The following GRK5 variants were observed in gnomAD, a reference collection of about 807,000 sequenced individuals.
GRK5 encodes G protein-coupled receptor kinase 5.
In GRK5, 40 loss-of-function variants were observed where a neutral mutation model predicts 78.4. The ratio of observed to expected loss-of-function variants is 0.51; its 90% CI spans 0.40 to 0.66. The LOEUF is 0.66. Among genes scored for constraint, GRK5 ranks in the 30% least tolerant of loss-of-function variants. The pLI is 0.00. For missense variants in GRK5, 598 were observed against 759.9 expected (o/e 0.79, Z 2.50); for synonymous variants, 289 against 296.8 (o/e 0.97, Z 0.27).
chr10:119,377,660 G>A (rs913215203), intron 2 of GRK5, among the ~76,000 whole-genome samples: 4 of 152,084 alleles, frequency 2.6e-5, no homozygotes, highest in African/African-American at 9.7e-5. Flanking sequence ...ACTGTGCTGG[G>A]AGTTTATAAC....
At chr10:119,216,239 A>G (rs1848571553) in intron 1 of GRK5, among the ~76,000 whole-genome samples, 1 of 152,236 alleles carries the variant, frequency 6.6e-6, no homozygotes, top group Non-Finnish European at 1.5e-5. Context: ...TGTGTTTCTA[A>G]GAACTTGTAA....
chr10:119,345,106 C>G (rs528114704), intron 2 of GRK5, among the ~76,000 whole-genome samples: 3 of 152,042 alleles, frequency 2.0e-5, no homozygotes, highest in Non-Finnish European at 4.4e-5. Flanking sequence ...GTAGCTGAGA[C>G]TACAGGCGCC....
chr10:119,213,938 T>C (rs990809273), intron 1 of GRK5, among the ~76,000 whole-genome samples: 2 of 151,746 alleles, frequency 1.3e-5, no homozygotes, highest in Admixed American at 6.6e-5. Flanking sequence ...AAAGATGCAA[T>C]TGGGCACTGC....
At chr10:119,312,746 C>A (rs928981448) in intron 1 of GRK5, among the ~76,000 whole-genome samples, 1 of 152,200 alleles carries the variant, frequency 6.6e-6, no homozygotes, top group Non-Finnish European at 1.5e-5. Context: ...GGGACAGACG[C>A]TGGCATCATG....
At chr10:119,335,308 C>G (rs912719018) in intron 2 of GRK5, among the ~76,000 whole-genome samples, 1 of 151,914 alleles carries the variant, frequency 6.6e-6, no homozygotes, top group South Asian at 2.1e-4. Flanking sequence ...GTTCCTATAT[C>G]AACCTTCTGA....
rs76655815 is a variant in GRK5 at position 119,238,282 on chromosome 10, G to A, written c.52+30313G>A. Among the ~76,000 whole-genome samples the A allele has an allele frequency of 0.02, 3,108 of 152,220 alleles. 76 individuals carry two copies. The highest frequency in any genetic ancestry group is 0.062 in the South Asian group (299 of 4,816). The stretch of plus-strand genomic sequence containing the variant: ...GTGGAGGGTGGACGGGAAGCGGGGG[G>A]CCTTCTGCTGAAGATCTCAATTAAA... On this transcript the variant is annotated intron_variant, in intron 1 of 15. Coordinates refer to ENST00000392870, the MANE Select transcript of GRK5 (RefSeq NM_005308.3). The surrounding 1 kb of genome is among the most constrained non-coding windows in gnomAD (Gnocchi z 4.7).
Position 119,379,642 on chromosome 10 carries a change from G to A in GRK5, c.149-1173G>A, listed in dbSNP as rs966188599. Among the ~76,000 whole-genome samples, 9 of 152,252 alleles carry A rather than the reference G, an allele frequency of 5.9e-5. No individual in the cohort carries two copies. The highest frequency in any genetic ancestry group is 1.9e-4 in the African/African-American group (8 of 41,536). On this transcript the variant is annotated intron_variant, in intron 2 of 15. Transcript: ENST00000392870. This position sits in a 1 kb window ranked among gnomAD's most constrained non-coding sequence, Gnocchi z 4.1. ...CTGTTTCCCACGAACTCATCCGACT[G>A]TGTCCCGTGCAGCTGCAACATCGAT...
At chr10:119,256,831 A>G (rs958352469) in intron 1 of GRK5, among the ~76,000 whole-genome samples, 1 of 152,140 alleles carries the variant, frequency 6.6e-6, no homozygotes, top group Non-Finnish European at 1.5e-5. Flanking sequence ...TCTAATTCCA[A>G]AACACTTTCA....
At chr10:119,299,912 G>A (rs374501649) in intron 1 of GRK5, among the ~76,000 whole-genome samples, 4 of 151,948 alleles carry the variant, frequency 2.6e-5, no homozygotes, top group East Asian at 1.9e-4. Flanking sequence ...TGCTGCATCC[G>A]TTAACTCGTC....
intron 1 of GRK5, among the ~76,000 whole-genome samples, chr10:119,287,399 G>C (rs80144906): frequency 1.4e-5 from 2 of 140,324 alleles, no homozygotes; most frequent in Admixed American, 1.5e-4. Flanking sequence ...GAAGAAGGAA[G>C]GGAGGAAAGA....
intron 2 of GRK5, among the ~76,000 whole-genome samples, chr10:119,349,547 G>T (rs1851156743): frequency 1.3e-5 from 2 of 152,238 alleles, no homozygotes; most frequent in African/African-American, 4.8e-5. Flanking sequence ...CACCAGCCAA[G>T]ACCTGTGTGG....
rs1316543 is a variant in GRK5, at chr10:119,445,148, G to A, written c.1266+1396G>A. 0.16 allele frequency among the ~76,000 whole-genome samples: 24,095 copies of A among 152,196 alleles called. 2,491 individuals carry two copies. The highest frequency in any genetic ancestry group is 0.39 in the East Asian group (2,032 of 5,162). On this transcript the variant is annotated intron_variant, in intron 12 of 15. Coordinates refer to ENST00000392870, the MANE Select transcript of GRK5 (RefSeq NM_005308.3). This position sits in a 1 kb window ranked among gnomAD's most constrained non-coding sequence, Gnocchi z 4.1. ...CCTCAGAGAAAGCCACATGGTCATCGCAGCCAGGGCTAGGGTGGGGGGACC... is the reference window on the plus strand; with the variant it reads ...CCTCAGAGAAAGCCACATGGTCATCACAGCCAGGGCTAGGGTGGGGGGACC...
intron 2 of GRK5, among the ~76,000 whole-genome samples, chr10:119,348,807 GGCCAGC>G (rs1851145110): frequency 6.6e-6 from 1 of 152,162 alleles, no homozygotes; most frequent in African/African-American, 2.4e-5. Flanking sequence ...AGCACCAGGA[GGCCAGC>G]GCTGTTGCTT....
At chr10:119,313,038 A>ATGG (rs1158105953) in intron 1 of GRK5, among the ~76,000 whole-genome samples, 5 of 8,214 alleles carry the variant, frequency 6.1e-4, no homozygotes, top group South Asian at 5.1e-3. Flanking sequence ...GGCAGTGGTG[A>ATGG]TGGTGGTGGT....
intron 1 of GRK5, among the ~76,000 whole-genome samples, chr10:119,261,054 C>T (rs1849380638): frequency 1.2e-5 from 1 of 83,848 alleles, no homozygotes; most frequent in Non-Finnish European, 2.6e-5. Flanking sequence ...CCACCTCCCT[C>T]CCGGACGGGG....
chr10:119,223,399 C>T lies in GRK5; in HGVS notation c.52+15430C>T, dbSNP rs889737639. On this transcript the variant is annotated intron_variant, in intron 1 of 15. Coordinates refer to ENST00000392870, the MANE Select transcript of GRK5 (RefSeq NM_005308.3). ...GACGCAGTGAACCCTGGAACACAGGCCCTGCCTGTACTGAAGCAGCAGCTT... is the reference window on the plus strand; with the variant it reads ...GACGCAGTGAACCCTGGAACACAGGTCCTGCCTGTACTGAAGCAGCAGCTT... Among the ~76,000 whole-genome samples the T allele has an allele frequency of 5.3e-5, 8 of 152,300 alleles. No homozygotes were observed. In the South Asian group the frequency reaches 6.2e-4, roughly 12 times the overall value.
At chr10:119,439,239 G>A (rs1852983696) in intron 9 of GRK5, among the ~76,000 whole-genome samples, 1 of 152,276 alleles carries the variant, frequency 6.6e-6, no homozygotes, top group Non-Finnish European at 1.5e-5. Flanking sequence ...CTCCCAGGCT[G>A]TAGCGTAGCT....
chr10:119,246,821 T>G (rs1458723541), intron 1 of GRK5, among the ~76,000 whole-genome samples: 1 of 152,190 alleles, frequency 6.6e-6, no homozygotes, highest in Admixed American at 6.5e-5. Context: ...CACTGTTTGG[T>G]CAACAGAAGG....
intron 2 of GRK5, among the ~76,000 whole-genome samples, chr10:119,351,027 A>C (rs1851178514): frequency 6.6e-6 from 1 of 152,202 alleles, no homozygotes; most frequent in Non-Finnish European, 1.5e-5. Flanking sequence ...CCCCACCCTC[A>C]GGGAGCCTAG....
Sources: allele counts gnomAD v4.1 joint callset (sites outside exome capture counted in the v4.1 genomes callset), GRCh38; gene constraint gnomAD v4.1.1; non-coding constraint Gnocchi (gnomAD v3.1); transcripts MANE v1.5; gene names NCBI Gene and HGNC (gene_info 2026-07-23, HGNC 2026-07-21).